MEIOSIN: variants seen among roughly 807,000 people sequenced by gnomAD.
The protein encoded by MEIOSIN is meiosis initiator protein.
A neutral mutation model predicts 23.4 loss-of-function variants in MEIOSIN; 18 were observed. That is an observed-to-expected ratio of 0.77 (90% CI 0.53 to 1.14). The LOEUF is 1.14. Among genes scored for constraint, MEIOSIN ranks in the 50% most tolerant of loss-of-function variants. The pLI is 0.00. For missense variants in MEIOSIN, 428 were observed against 242.9 expected, an observed-to-expected ratio of 1.76 and a Z score of -5.07; for synonymous variants, 187 against 100.6, an observed-to-expected ratio of 1.86 and a Z score of -5.14.
intron 14 of MEIOSIN, 121 bp downstream of exon 14, chr19:45,763,548 G>T: frequency 2.5e-6 from 1 of 397,536 alleles, no homozygotes; most frequent in Non-Finnish European, 4.4e-6. Context: ...AGGAATTTGC[G>T]TGTTGCCCCT....
At chr19:45,749,373 CAAAAAAAAAAAA>C (rs750228351) in intron 4 of MEIOSIN, among the ~76,000 whole-genome samples, 1 of 55,666 alleles carries the variant, frequency 1.8e-5, no homozygotes, top group South Asian at 6.9e-4. Context: ...GACCCTGTCT[CAAAAAAAAAAAA>C]AAAAAAAAGG....
intron 8 of MEIOSIN, 29 bp downstream of exon 8, chr19:45,756,107 G>A: frequency 1.4e-6 from 1 of 702,180 alleles, no homozygotes; most frequent in Non-Finnish European, 2.6e-6. Flanking sequence ...CACTGAGTGA[G>A]TGGTGCTGAG....
chr19:45,759,530 C>G (rs1968899122), intron 11 of MEIOSIN, 40 bp downstream of exon 11: 1 of 701,586 alleles, frequency 1.4e-6, no homozygotes, highest in Non-Finnish European at 2.6e-6. Context: ...ACACATCCAT[C>G]CGTCTTTCCA....
At chr19:45,747,301 G>A (rs906745420) in intron 4 of MEIOSIN, among the ~76,000 whole-genome samples, 13 of 152,168 alleles carry the variant, frequency 8.5e-5, no homozygotes, top group East Asian at 1.9e-4. Flanking sequence ...AGTGCTCCGC[G>A]CCATAGCAGG....
In MEIOSIN at chr19:45,760,313, C is replaced by G. The variant is rs1453322280; in HGVS notation, c.1245+823C>G. ...GGAAACCCCATTTCTACTAAAAATA[C>G]AAGAAGTGTCCGGGCGTGGTGGCTC... On this transcript the variant is annotated intron_variant, in intron 11 of 14. Transcript: ENST00000457052. Among the ~76,000 whole-genome samples the G allele has an allele frequency of 2.6e-5, 4 of 152,048 alleles. No homozygotes were observed. The East Asian group carries it at 7.8e-4, about 29-fold the overall frequency.
At chr19:45,737,634 T>TAA (rs909862371) in intron 2 of MEIOSIN, among the ~76,000 whole-genome samples, 3 of 137,800 alleles carry the variant, frequency 2.2e-5, no homozygotes, top group Admixed American at 7.3e-5. Context: ...CCCAACTAAT[T>TAA]AAAAAAAAAA....
At chr19:45,739,531 G>A (rs867794108) in intron 2 of MEIOSIN, 95 bp from the exon 3 acceptor site, 2 of 687,828 alleles carry the variant, frequency 2.9e-6, no homozygotes, top group Non-Finnish European at 2.7e-6. Context: ...ATACCCAGAA[G>A]AGAAAACATC....
intron 4 of MEIOSIN, among the ~76,000 whole-genome samples, chr19:45,747,653 A>G (rs1968618966): frequency 6.6e-6 from 1 of 152,100 alleles, no homozygotes; most frequent in African/African-American, 2.4e-5. Flanking sequence ...TCTTAGATAC[A>G]TTTTTCTCAT....
chr19:45,763,489 C>A, intron 14 of MEIOSIN, 62 bp downstream of exon 14: 1 of 398,528 alleles, frequency 2.5e-6, no homozygotes, highest in South Asian at 1.3e-4. Flanking sequence ...CCCCGGAACC[C>A]TGCTCTGTCT....
intron 1 of MEIOSIN, among the ~76,000 whole-genome samples, chr19:45,734,637 G>A (rs1968380218): frequency 6.6e-6 from 1 of 151,802 alleles, no homozygotes. Flanking sequence ...CCAAGTAGCT[G>A]GGACTACAAG....
At chr19:45,739,542 T>A (rs1332072899) in intron 2 of MEIOSIN, 84 bp from the exon 3 acceptor site, 2 of 693,532 alleles carry the variant, frequency 2.9e-6, no homozygotes, top group Admixed American at 2.0e-5. Flanking sequence ...AGAAAACATC[T>A]TTCTAAGATT....
chr19:45,757,800 C>T (rs1968859878), intron 9 of MEIOSIN, among the ~76,000 whole-genome samples: 1 of 152,082 alleles, frequency 6.6e-6, no homozygotes, highest in Non-Finnish European at 1.5e-5. Flanking sequence ...GGATTACAGG[C>T]ATGAACCACC....
At chr19:45,753,541 TG>T in intron 5 of MEIOSIN, 109 bp from the exon 6 acceptor site, 1 of 600,994 alleles carries the variant, frequency 1.7e-6, no homozygotes, top group Non-Finnish European at 3.0e-6. Flanking sequence ...AAAGTCAGCC[TG>T]GGGGCCCACC....
At chr19:45,759,944 G>A (rs571815772) in intron 11 of MEIOSIN, among the ~76,000 whole-genome samples, 48 of 152,076 alleles carry the variant, frequency 3.2e-4, no homozygotes, top group Middle Eastern at 6.8e-3. Context: ...TGGGATTACA[G>A]GTGCCTGTCA....
intron 5 of MEIOSIN, among the ~76,000 whole-genome samples, chr19:45,751,089 A>G (rs1968694650): frequency 1.3e-5 from 2 of 151,978 alleles, no homozygotes; most frequent in African/African-American, 2.4e-5. Flanking sequence ...CCTGGCCAAC[A>G]TGGCAAAACC....
At chr19:45,758,462 C>G (rs555848938) in intron 9 of MEIOSIN, among the ~76,000 whole-genome samples, 1 of 151,592 alleles carries the variant, frequency 6.6e-6, no homozygotes, top group African/African-American at 2.4e-5. Context: ...CAGGGTCTCA[C>G]TCTGTCACCC....
At chr19:45,756,852 G>A (rs1357870806) in intron 8 of MEIOSIN, among the ~76,000 whole-genome samples, 1 of 152,070 alleles carries the variant, frequency 6.6e-6, no homozygotes, top group Non-Finnish European at 1.5e-5. Context: ...CAGAAGCCCT[G>A]CGCCAGCCCC....
chr19:45,736,836 G>T (rs1380126172), intron 2 of MEIOSIN, among the ~76,000 whole-genome samples: 1 of 151,230 alleles, frequency 6.6e-6, no homozygotes, highest in Non-Finnish European at 1.5e-5. Flanking sequence ...CTCCCAAAGT[G>T]CTGGGATTAC....
Position 45,745,175 on chromosome 19 carries a change from C to G in MEIOSIN, c.177-17C>G. ...TTTTGGATGTCCTAACCAAAACCAG[C>G]TCCTGTCCCCAAACAGGAATCAGAG... On this transcript the variant is annotated splice_polypyrimidine_tract_variant and intron_variant, in intron 3 of 14. Coordinates refer to ENST00000457052, the MANE Select transcript of MEIOSIN (RefSeq NM_001310124.2). 1.4e-6 allele frequency: 1 copy of G among 702,320 alleles called. No individual in the cohort carries two copies. Among genetic ancestry groups the G allele is most frequent in the Non-Finnish European group, 2.6e-6 (1 of 384,770 alleles). The allele number at this position is 702,320 out of a possible 1,614,324, so 43.5% of individuals were successfully genotyped here.
Sources: allele counts gnomAD v4.1 joint callset (sites outside exome capture counted in the v4.1 genomes callset), GRCh38; gene constraint gnomAD v4.1.1; transcripts MANE v1.5; gene names NCBI Gene and HGNC (gene_info 2026-07-23, HGNC 2026-07-21).